TBCK: variants seen among roughly 807,000 people sequenced by gnomAD.
The protein encoded by TBCK is TBC1 domain containing kinase.
Under a neutral mutation model 113.4 loss-of-function variants are expected in TBCK, and 99 were observed. The ratio of observed to expected loss-of-function variants is 0.87; its 90% CI spans 0.74 to 1.03. The LOEUF (loss-of-function observed/expected upper bound fraction) is 1.03. Ranked by LOEUF, TBCK falls within the 50% of genes least tolerant of loss-of-function variation. TBCK has a pLI of 0.00. For synonymous variants in TBCK, 369 were observed against 370.8 expected, an observed-to-expected ratio of 1.00 and a Z score of 0.05; for missense variants, 1,045 against 1,061.3, an observed-to-expected ratio of 0.98 and a Z score of 0.21.
At chr4:106,171,058 C>G (rs763032358) in intron 23 of TBCK, 37 bp downstream of exon 23, 1 of 1,528,932 alleles carries the variant, frequency 6.5e-7, no homozygotes, top group South Asian at 1.3e-5. Flanking sequence ...CATCCATCTC[C>G]TTTTAGAGTT....
At chr4:106,172,938 A>G (rs1288504871) in intron 22 of TBCK, among the ~76,000 whole-genome samples, 1 of 152,170 alleles carries the variant, frequency 6.6e-6, no homozygotes, top group East Asian at 1.9e-4. Flanking sequence ...TACTATGAGT[A>G]GAAGTCTGAA....
chr4:106,226,982 T>C (rs1758315098), intron 19 of TBCK, among the ~76,000 whole-genome samples: 1 of 152,062 alleles, frequency 6.6e-6, no homozygotes, highest in African/African-American at 2.4e-5. Context: ...ATTAAGGTAA[T>C]CTATAAGCAA....
intron 22 of TBCK, among the ~76,000 whole-genome samples, chr4:106,192,594 T>A (rs1157331692): frequency 1.3e-5 from 2 of 152,082 alleles, no homozygotes; most frequent in South Asian, 4.1e-4. Flanking sequence ...GAAGGGGGAA[T>A]AAAAAGTTTT....
At chr4:106,193,799 T>TA in intron 21 of TBCK, 29 bp from the exon 22 acceptor site, 1 of 1,397,764 alleles carries the variant, frequency 7.2e-7, no homozygotes, top group East Asian at 2.5e-5. Context: ...ACAAATAAAT[T>TA]AAAAAACCAA....
intron 18 of TBCK, 32 bp downstream of exon 18, chr4:106,231,697 G>A (rs375038152): frequency 4.1e-5 from 64 of 1,574,206 alleles, no homozygotes; most frequent in East Asian, 1.3e-4. Flanking sequence ...AATATTATGC[G>A]CAATGATTAT....
chr4:106,108,302 A>C (rs1481794623), intron 24 of TBCK, among the ~76,000 whole-genome samples: 1 of 150,632 alleles, frequency 6.6e-6, no homozygotes, highest in Non-Finnish European at 1.5e-5. Context: ...GAGACACAGT[A>C]AAAAAGGAAA....
intron 22 of TBCK, among the ~76,000 whole-genome samples, chr4:106,187,296 G>A (rs924450874): frequency 2.0e-5 from 3 of 152,056 alleles, no homozygotes; most frequent in African/African-American, 7.2e-5. Flanking sequence ...TAGTTTGATA[G>A]GAATAGCACT....
chr4:106,251,523 G>A (rs1036332516), intron 6 of TBCK, among the ~76,000 whole-genome samples: 2 of 151,542 alleles, frequency 1.3e-5, no homozygotes, highest in Non-Finnish European at 3.0e-5. Context: ...TTCTAAAAAC[G>A]TAGTTTTCAT....
intron 2 of TBCK, among the ~76,000 whole-genome samples, chr4:106,297,949 T>C (rs1232937830): frequency 6.6e-6 from 1 of 152,208 alleles, no homozygotes; most frequent in Admixed American, 6.5e-5. Flanking sequence ...TAGAATAGTG[T>C]GTGGCACATA....
At chr4:106,276,246 AT>A (rs1414703357) in intron 3 of TBCK, among the ~76,000 whole-genome samples, 1 of 152,244 alleles carries the variant, frequency 6.6e-6, no homozygotes, top group Non-Finnish European at 1.5e-5. Flanking sequence ...CTATATACAA[AT>A]ATTAAATTGA....
intron 3 of TBCK, among the ~76,000 whole-genome samples, chr4:106,263,579 T>A (rs564351420): frequency 2.0e-4 from 31 of 152,016 alleles, no homozygotes; most frequent in South Asian, 8.3e-4. Flanking sequence ...TTGATTTTGA[T>A]GATGGTTACA....
intron 25 of TBCK, among the ~76,000 whole-genome samples, chr4:106,070,389 T>A (rs1392167853): frequency 2.0e-5 from 3 of 152,204 alleles, no homozygotes; most frequent in Non-Finnish European, 4.4e-5. Flanking sequence ...TCTGCATCTA[T>A]TGAGATAATC....
intron 16 of TBCK, among the ~76,000 whole-genome samples, chr4:106,233,315 C>A (rs1163567888): frequency 6.6e-6 from 1 of 151,898 alleles, no homozygotes; most frequent in Non-Finnish European, 1.5e-5. Flanking sequence ...ATATACTTTT[C>A]AAAAATATTT....
At chr4:106,167,129 TATAG>T (rs967908458) in intron 23 of TBCK, among the ~76,000 whole-genome samples, 8 of 144,132 alleles carry the variant, frequency 5.6e-5, no homozygotes, top group African/African-American at 1.0e-4. Context: ...TATATATATA[TATAG>T]AGAGAGAGAG....
At chr4:106,235,985 T>G (rs1171571285) in intron 14 of TBCK, among the ~76,000 whole-genome samples, 1 of 152,020 alleles carries the variant, frequency 6.6e-6, no homozygotes, top group Non-Finnish European at 1.5e-5. Context: ...ACTTTGCTAA[T>G]GCAGTATGGA....
At chr4:106,241,334 CT>C (rs201581554) in intron 12 of TBCK, among the ~76,000 whole-genome samples, 1,671 of 151,888 alleles carry the variant, frequency 0.011, 31 homozygotes, top group African/African-American at 0.038. Flanking sequence ...TACAAATTAA[CT>C]TATCAATTCA....
chr4:106,066,717 A>C (rs1459004021), intron 25 of TBCK, among the ~76,000 whole-genome samples: 1 of 151,774 alleles, frequency 6.6e-6, no homozygotes, highest in African/African-American at 2.4e-5. Flanking sequence ...CCACTAATCT[A>C]CTTCCTGTCT....
chr4:106,179,638 T>G (rs1453997976), intron 22 of TBCK, among the ~76,000 whole-genome samples: 1 of 152,098 alleles, frequency 6.6e-6, no homozygotes, highest in Non-Finnish European at 1.5e-5. Flanking sequence ...TTTTTGAAAA[T>G]TTAAGACTTG....
chr4:106,289,677 A>C (rs1383070664), intron 3 of TBCK, among the ~76,000 whole-genome samples: 1 of 151,796 alleles, frequency 6.6e-6, no homozygotes, highest in African/African-American at 2.4e-5. Context: ...CTGAGACAGA[A>C]GAATCACTTG....
Sources: gnomAD v4.1 joint callset for allele counts (sites outside exome capture counted in the v4.1 genomes callset) on GRCh38, gnomAD v4.1.1 for gene constraint, MANE v1.5 for transcripts, NCBI Gene and HGNC (gene_info 2026-07-23, HGNC 2026-07-21) for gene names.